EIF2AK1: variants seen among roughly 807,000 people sequenced by gnomAD.
The protein encoded by EIF2AK1 is eukaryotic translation initiation factor 2 alpha kinase 1.
Under a neutral mutation model 77.9 loss-of-function variants are expected in EIF2AK1, and 54 were observed. The ratio of observed to expected loss-of-function variants is 0.69; its 90% CI spans 0.56 to 0.87. The LOEUF is 0.87. Among genes scored for constraint, EIF2AK1 ranks in the 40% least tolerant of loss-of-function variants. The pLI is 0.00. For missense variants in EIF2AK1, 810 were observed against 768.6 expected, an observed-to-expected ratio of 1.05 and a Z score of -0.64; for synonymous variants, 314 against 290.5, an observed-to-expected ratio of 1.08 and a Z score of -0.82.
intron 14 of EIF2AK1, chr7:6,026,370 C>T: frequency 4.2e-6 from 2 of 474,018 alleles, no homozygotes; most frequent in South Asian, 1.6e-5. Context: ...AGGTGCAAAC[C>T]CTGCGGGCCC....
chr7:6,028,708 A>G lies in EIF2AK1; in HGVS notation c.1448-11T>C. 2 of 1,613,588 alleles carry G rather than the reference A, an allele frequency of 1.2e-6. No individual in the cohort carries two copies. The highest frequency in any genetic ancestry group is 8.5e-7 in the Non-Finnish European group (1 of 1,179,444). Reference sequence around the variant, plus strand: ...TATGTGTTGGTGTTCCTATCATTTCAAAAGCCACATATTAAACATTGCAGT... The same window carrying G: ...TATGTGTTGGTGTTCCTATCATTTCGAAAGCCACATATTAAACATTGCAGT... On this transcript the variant is annotated splice_polypyrimidine_tract_variant and intron_variant, in intron 12 of 14. Transcript: ENST00000199389.
chr7:6,041,714 G>A (rs528304822), intron 8 of EIF2AK1, among the ~76,000 whole-genome samples: 48 of 152,000 alleles, frequency 3.2e-4, no homozygotes, highest in African/African-American at 8.4e-4. Context: ...GGTGGCATGC[G>A]CCTATAGTCC....
rs1037508969 is a variant in EIF2AK1 at position 6,024,558 on chromosome 7, C to G, written c.*115G>C. 2.6e-6 allele frequency: 4 copies of G among 1,529,618 alleles called. No homozygotes were observed. In the African/African-American group the frequency reaches 4.2e-5, roughly 16 times the overall value. 94.8% of individuals were successfully genotyped at this position (1,529,618 alleles called of 1,614,324 possible). On this transcript the variant is annotated 3_prime_UTR_variant, in exon 15 of 15. Coordinates refer to ENST00000199389, the MANE Select transcript of EIF2AK1 (RefSeq NM_014413.4). ...ACGGCAGCTTGGGGCACTCTGACAT[C>G]TTTAACAAGTCTTGTAAAGGCTTAC... is the stretch of plus-strand genomic sequence containing the variant.
intron 9 of EIF2AK1, among the ~76,000 whole-genome samples, chr7:6,040,272 C>T (rs938888583): frequency 2.0e-5 from 3 of 151,932 alleles, no homozygotes; most frequent in African/African-American, 7.2e-5. Context: ...AGGCTGGTCT[C>T]GAACTCCTGA....
At position 6,035,513 on chromosome 7, in the gene EIF2AK1, A is replaced by G; in HGVS notation, c.1332+1911T>C. On this transcript the variant is annotated intron_variant, in intron 11 of 14. Coordinates refer to ENST00000199389, the MANE Select transcript of EIF2AK1 (RefSeq NM_014413.4). This position sits in a 1 kb window ranked among gnomAD's most constrained non-coding sequence, Gnocchi z 5.5. ...GGCCAGTCACTTCCACCACGTGGGC[A>G]AAACCAGGCAACAGAACGCACAGGA... 6.4e-7 allele frequency: 1 copy of G among 1,551,202 alleles called. No homozygotes were observed. Among genetic ancestry groups the G allele is most frequent in the East Asian group, 2.4e-5 (1 of 40,918 alleles).
chr7:6,045,064 A>T (rs575562210), intron 6 of EIF2AK1, among the ~76,000 whole-genome samples: 1 of 151,302 alleles, frequency 6.6e-6, no homozygotes, highest in East Asian at 2.0e-4. Context: ...TCTGTAATGA[A>T]AACTCCTCTG....
intron 1 of EIF2AK1, among the ~76,000 whole-genome samples, chr7:6,056,292 CA>C (rs71008352): frequency 0.35 from 19,308 of 55,240 alleles, 1,035 homozygotes; most frequent in Middle Eastern, 0.4. Context: ...GACTCAGTCT[CA>C]AAAAAAAAAA....
chr7:6,038,980 A>T (rs1344272097), intron 9 of EIF2AK1, among the ~76,000 whole-genome samples: 1 of 152,120 alleles, frequency 6.6e-6, no homozygotes, highest in African/African-American at 2.4e-5. Flanking sequence ...CTCAACTGTG[A>T]CCCGGAGAAA....
Position 6,024,263 on chromosome 7 carries a change from T to C in EIF2AK1, c.*410A>G. On this transcript the variant is annotated 3_prime_UTR_variant, in exon 15 of 15. Coordinates refer to ENST00000199389, the MANE Select transcript of EIF2AK1 (RefSeq NM_014413.4). ...TTCAGGTAATGAACTTCAGCTGCAGTGTGAAAGGGGCAGGAAGACTGGCAG... is the reference window on the plus strand; with the variant it reads ...TTCAGGTAATGAACTTCAGCTGCAGCGTGAAAGGGGCAGGAAGACTGGCAG... The C allele has an allele frequency of 8.2e-7, 1 of 1,213,818 alleles. No homozygotes were observed. The highest frequency in any genetic ancestry group is 1.0e-6 in the Non-Finnish European group (1 of 957,102). 75.2% of individuals were successfully genotyped at this position (1,213,818 alleles called of 1,614,324 possible).
chr7:6,036,414 G>A lies in EIF2AK1; in HGVS notation c.1332+1010C>T, dbSNP rs895772034. ...TAAGACCTCCCAGTTTCACAGCAGA[G>A]GGACTTTCAGCCACTCAAACTGCAT... On this transcript the variant is annotated intron_variant, in intron 11 of 14. Transcript: ENST00000199389. This position sits in a 1 kb window ranked among gnomAD's most constrained non-coding sequence, Gnocchi z 4.6. 8 of 1,428,614 alleles carry A rather than the reference G, an allele frequency of 5.6e-6. No homozygotes were observed. The highest frequency in any genetic ancestry group is 7.3e-6 in the Non-Finnish European group (8 of 1,091,080). 88.5% of individuals were successfully genotyped at this position (1,428,614 alleles called of 1,614,324 possible).
At chr7:6,048,272 C>G (rs1263493686) in intron 4 of EIF2AK1, among the ~76,000 whole-genome samples, 1 of 152,134 alleles carries the variant, frequency 6.6e-6, no homozygotes, top group Non-Finnish European at 1.5e-5. Flanking sequence ...CTGAAAACCA[C>G]TATTTACGTC....
intron 4 of EIF2AK1, among the ~76,000 whole-genome samples, chr7:6,047,559 G>A (rs1054579721): frequency 6.6e-6 from 1 of 151,820 alleles, no homozygotes; most frequent in Admixed American, 6.6e-5. Context: ...TGTAATCCCA[G>A]CTACTCCGGA....
chr7:6,024,438 T>C lies in EIF2AK1; in HGVS notation c.*235A>G. The C allele has an allele frequency of 7.3e-7, 1 of 1,378,472 alleles. No homozygotes were observed. Among genetic ancestry groups the C allele is most frequent in the South Asian group, 1.6e-5 (1 of 62,376 alleles). 85.4% of individuals were successfully genotyped at this position (1,378,472 alleles called of 1,614,324 possible). Reference sequence around the variant, plus strand: ...GTTGAAAGGAGAAAATAATTGAGGATGAGGTCCAAGTTTTTAGTTTCAGAG... The same window carrying C: ...GTTGAAAGGAGAAAATAATTGAGGACGAGGTCCAAGTTTTTAGTTTCAGAG... On this transcript the variant is annotated 3_prime_UTR_variant, in exon 15 of 15. Transcript: ENST00000199389.
At chr7:6,038,828 T>C (rs1459933895) in intron 9 of EIF2AK1, among the ~76,000 whole-genome samples, 157 bp from the exon 10 acceptor site, 1 of 152,080 alleles carries the variant, frequency 6.6e-6, no homozygotes, top group Non-Finnish European at 1.5e-5. Context: ...GACAGAAGTG[T>C]CCTCAGGACA....
rs149386025 is a variant in EIF2AK1 at position 6,053,443 on chromosome 7, C to T, written c.277+1103G>A. ...ATGGCGCGATCTCAGCTCACTGCAACCTCCGCCTCCCAGGTTCAAATGATT... is the reference window on the plus strand; with the variant it reads ...ATGGCGCGATCTCAGCTCACTGCAATCTCCGCCTCCCAGGTTCAAATGATT... On this transcript the variant is annotated intron_variant, in intron 2 of 14. Coordinates refer to ENST00000199389, the MANE Select transcript of EIF2AK1 (RefSeq NM_014413.4). Among the ~76,000 whole-genome samples, 739 of 152,262 alleles carry T rather than the reference C, an allele frequency of 4.9e-3. 8 individuals are homozygous for T. Among genetic ancestry groups the T allele is most frequent in the African/African-American group, 0.017 (700 of 41,554 alleles).
At chr7:6,043,362 A>G (rs1485843435) in intron 7 of EIF2AK1, among the ~76,000 whole-genome samples, 1 of 152,058 alleles carries the variant, frequency 6.6e-6, no homozygotes, top group Non-Finnish European at 1.5e-5. Flanking sequence ...GGATCACTTG[A>G]GCTCAGGTGT....
At chr7:6,039,296 C>T (rs1180067689) in intron 9 of EIF2AK1, among the ~76,000 whole-genome samples, 2 of 151,940 alleles carry the variant, frequency 1.3e-5, no homozygotes, top group African/African-American at 2.4e-5. Flanking sequence ...CAGATTCAGG[C>T]GAAAGAGTTC....
rs1554321640 is a variant in EIF2AK1, at chr7:6,045,733, T to TTATATATACATATATATATATATATA, written c.630+337_630+338insTATATATATATATATATGTATATATA. Among the ~76,000 whole-genome samples the TTATATATACATATATATATATATATA allele has an allele frequency of 2.2e-5, 3 of 138,040 alleles. No homozygotes were observed. In the East Asian group the frequency reaches 8.0e-4, roughly 37 times the overall value. The allele number at this position is 138,040 out of a possible 152,430, so 90.6% of individuals were successfully genotyped here. ...TTAAGAAGTTAACATATTTTAAAAA[T>TTATATATACATATATATATATATATA]TATATATATATATATATATAAATTA... On this transcript the variant is annotated intron_variant, in intron 6 of 14. Coordinates refer to ENST00000199389, the MANE Select transcript of EIF2AK1 (RefSeq NM_014413.4).
chr7:6,054,845 G>A, intron 1 of EIF2AK1, 141 bp from the exon 2 acceptor site: 2 of 893,580 alleles, frequency 2.2e-6, no homozygotes, highest in Admixed American at 2.9e-5. Flanking sequence ...GCTGAGTTGG[G>A]TTAATCAAGA....
Sources: gnomAD v4.1 joint callset for allele counts (sites outside exome capture counted in the v4.1 genomes callset) on GRCh38, gnomAD v4.1.1 for gene constraint, Gnocchi (gnomAD v3.1) non-coding constraint, MANE v1.5 for transcripts, NCBI Gene and HGNC (gene_info 2026-07-23, HGNC 2026-07-21) for gene names.